SPATA16: variants seen among roughly 807,000 people sequenced by gnomAD.
SPATA16 encodes the protein spermatogenesis-associated protein 16.
SPATA16 carries 36 observed loss-of-function variants against 63.3 expected under a neutral mutation model. That is an observed-to-expected ratio of 0.57 (90% confidence interval 0.44 to 0.75). The LOEUF is 0.75. Among genes scored for constraint, SPATA16 ranks in the 30% least tolerant of loss-of-function variants. The probability of loss-of-function intolerance (pLI) is 0.00; values close to 1 mark genes in which losing one functional copy is unlikely to be tolerated. For synonymous variants in SPATA16, 203 were observed against 216.7 expected (o/e 0.94, Z 0.56); for missense variants, 646 against 679.3 (o/e 0.95, Z 0.54).
At chr3:173,129,059 C>T (rs766704914) in intron 1 of SPATA16, among the ~76,000 whole-genome samples, 10 of 152,196 alleles carry the variant, frequency 6.6e-5, no homozygotes, top group African/African-American at 1.4e-4. Flanking sequence ...TTTATAAGAA[C>T]GAATTATTGG....
chr3:172,955,548 C>G (rs183242521), intron 6 of SPATA16, among the ~76,000 whole-genome samples: 1 of 152,100 alleles, frequency 6.6e-6, no homozygotes, highest in Non-Finnish European at 1.5e-5. Context: ...TTCTCCTCTT[C>G]CCTTTCTCTG....
chr3:173,099,813 T>C (rs191444968), intron 2 of SPATA16, among the ~76,000 whole-genome samples: 3 of 152,318 alleles, frequency 2.0e-5, no homozygotes, highest in African/African-American at 7.2e-5. Context: ...GTCGTCAGCA[T>C]GCGCTTATGG....
rs764754616 is a variant in SPATA16, at chr3:173,117,297, A to T, written c.435T>A (p.Ser145=). The T allele has an allele frequency of 2.7e-5, 43 of 1,614,094 alleles. No individual in the cohort carries two copies. Among genetic ancestry groups the T allele is most frequent in the Non-Finnish European group, 1.5e-5 (18 of 1,180,022 alleles). The change falls in exon 2 of 11, where the codon TCT becomes TCA. Residue 145 remains serine (S), a synonymous_variant. Transcript: ENST00000351008. ...VRYEFVESFM[S]TGSQPTCQAA... is the part of the protein sequence containing the mutation. ...CTTGGCATGTTGGCTGACTCCCAGT[A>T]GACATGAAGGACTCTACAAACTCAT...
At chr3:173,011,957 G>GT (rs746610286) in intron 4 of SPATA16, among the ~76,000 whole-genome samples, 5 of 151,988 alleles carry the variant, frequency 3.3e-5, no homozygotes, top group Non-Finnish European at 7.4e-5. Context: ...AGTACTACAT[G>GT]TGTGTGCCAC....
chr3:173,104,334 C>T (rs184864079), intron 2 of SPATA16, among the ~76,000 whole-genome samples: 7 of 152,094 alleles, frequency 4.6e-5, no homozygotes, highest in African/African-American at 1.7e-4. Flanking sequence ...TAGCAGTGCC[C>T]GACTCCTCAG....
At chr3:173,028,027 C>CTTCCTTCT (rs1735503659) in intron 3 of SPATA16, among the ~76,000 whole-genome samples, 1 of 44,482 alleles carries the variant, frequency 2.2e-5, no homozygotes, top group African/African-American at 1.1e-4. Flanking sequence ...TCCTTCTTTC[C>CTTCCTTCT]TTCCTTCCTT....
chr3:173,127,766 A>G (rs1258263928), intron 1 of SPATA16, among the ~76,000 whole-genome samples: 3 of 152,232 alleles, frequency 2.0e-5, no homozygotes, highest in Admixed American at 6.5e-5. Flanking sequence ...TCAAGATGTT[A>G]TCTAGTTTTT....
intron 2 of SPATA16, among the ~76,000 whole-genome samples, chr3:173,104,262 C>T (rs1463810357): frequency 6.6e-6 from 1 of 152,204 alleles, no homozygotes; most frequent in Non-Finnish European, 1.5e-5. Context: ...CCCTCCCAAA[C>T]TCTTTAAACC....
At chr3:172,977,851 A>C (rs1398579936) in intron 4 of SPATA16, among the ~76,000 whole-genome samples, 1 of 152,180 alleles carries the variant, frequency 6.6e-6, no homozygotes, top group African/African-American at 2.4e-5. Flanking sequence ...CACTAGTACC[A>C]AAAGTTTATT....
intron 4 of SPATA16, among the ~76,000 whole-genome samples, chr3:172,988,107 T>C (rs1734496469): frequency 6.6e-6 from 1 of 152,134 alleles, no homozygotes; most frequent in African/African-American, 2.4e-5. Flanking sequence ...TTAGCCAGAA[T>C]AGGCAGGCCC....
chr3:173,139,335 A>C (rs1226393688), intron 1 of SPATA16, among the ~76,000 whole-genome samples: 2 of 152,128 alleles, frequency 1.3e-5, no homozygotes, highest in African/African-American at 2.4e-5. Flanking sequence ...ATTAGTCTTT[A>C]TTTTGCTATA....
intron 5 of SPATA16, among the ~76,000 whole-genome samples, chr3:172,963,208 T>C (rs76082236): frequency 0.021 from 3,200 of 152,258 alleles, 108 homozygotes; most frequent in African/African-American, 0.072. Context: ...GCAATAAGTT[T>C]CATTTTTTCT....
At chr3:173,085,291 A>G (rs572605374) in intron 2 of SPATA16, among the ~76,000 whole-genome samples, 1 of 152,170 alleles carries the variant, frequency 6.6e-6, no homozygotes, top group East Asian at 1.9e-4. Context: ...ATGGGAGTGC[A>G]TTCATGATTT....
At chr3:173,111,665 A>G (rs759996132) in intron 2 of SPATA16, among the ~76,000 whole-genome samples, 18 of 152,230 alleles carry the variant, frequency 1.2e-4, no homozygotes, top group Admixed American at 5.9e-4. Flanking sequence ...CAGCAGAGCA[A>G]TTATAGGTGA....
chr3:172,936,680 G>T (rs1215633970), intron 6 of SPATA16, among the ~76,000 whole-genome samples: 1 of 151,792 alleles, frequency 6.6e-6, no homozygotes, highest in Non-Finnish European at 1.5e-5. Context: ...GGAGGCCTGG[G>T]ACTTTATTTA....
intron 6 of SPATA16, among the ~76,000 whole-genome samples, chr3:172,935,091 G>A (rs962250295): frequency 2.0e-5 from 3 of 152,096 alleles, no homozygotes; most frequent in South Asian, 2.1e-4. Flanking sequence ...AATCCAAGAG[G>A]ATAAACTGAA....
chr3:172,996,419 T>C (rs1404449028), intron 4 of SPATA16, among the ~76,000 whole-genome samples: 2 of 152,150 alleles, frequency 1.3e-5, no homozygotes, highest in Non-Finnish European at 2.9e-5. Context: ...GTTTTGCTCA[T>C]TGATTTTGGC....
At chr3:172,915,879 C>A (rs1393944425) in intron 9 of SPATA16, among the ~76,000 whole-genome samples, 1 of 152,058 alleles carries the variant, frequency 6.6e-6, no homozygotes, top group Admixed American at 6.6e-5. Flanking sequence ...CTATTTTAAC[C>A]CTAGAAGTGA....
chr3:173,106,171 G>A (rs34470830), intron 2 of SPATA16, among the ~76,000 whole-genome samples: 2,217 of 152,192 alleles, frequency 0.015, 20 homozygotes, highest in Middle Eastern at 0.034. Flanking sequence ...TTCTGAAGGC[G>A]TTTTGTTGCC....
Sources: gnomAD v4.1 joint callset for allele counts (sites outside exome capture counted in the v4.1 genomes callset) on GRCh38, gnomAD v4.1.1 for gene constraint, MANE v1.5 for transcripts, NCBI Gene and HGNC (gene_info 2026-07-23, HGNC 2026-07-21) for gene names.